The following DDX19A variants were observed in gnomAD, a reference collection of about 807,000 sequenced individuals.
DDX19A encodes ATP-dependent RNA helicase DDX19A.
DDX19A carries 12 observed loss-of-function variants against 60.6 expected under a neutral mutation model. The observed-to-expected ratio is 0.20, with a 90% CI of 0.13 to 0.32. DDX19A has a LOEUF of 0.32. Ranked by LOEUF, DDX19A falls within the 10% of genes least tolerant of loss-of-function variation. The probability of loss-of-function intolerance (pLI) is 1.00; values close to 1 mark genes in which losing one functional copy is unlikely to be tolerated. For missense variants in DDX19A, 337 were observed against 600.6 expected (o/e 0.56, Z 4.59); for synonymous variants, 206 against 218.2 (o/e 0.94, Z 0.49).
intron 5 of DDX19A, 136 bp downstream of exon 5, chr16:70,361,646 G>T: frequency 1.6e-6 from 1 of 629,452 alleles, no homozygotes; most frequent in South Asian, 2.0e-5. Flanking sequence ...GGCAAGTGCA[G>T]AGAGAATCGG....
chr16:70,365,694 C>T (rs1362130931), intron 7 of DDX19A: 1 of 237,006 alleles, frequency 4.2e-6, no homozygotes, highest in Non-Finnish European at 8.3e-6. Flanking sequence ...GCAGGAGGAT[C>T]GCTTGAACCT....
rs1394793040 is a variant in DDX19A at position 70,365,949 on chromosome 16, T to G, written c.605-136T>G. On this transcript the variant is annotated intron_variant, in intron 7 of 11. Transcript: ENST00000302243. Reference sequence around the variant, plus strand: ...ACTTCACAGCAGAAGAGACCAAGACTGAGGGGAACACTCATGTGTGTTTTG... The same window carrying G: ...ACTTCACAGCAGAAGAGACCAAGACGGAGGGGAACACTCATGTGTGTTTTG... The G allele has an allele frequency of 3.0e-6, 4 of 1,345,934 alleles. No individual in the cohort carries two copies. In the African/African-American group the frequency reaches 5.8e-5, roughly 19 times the overall value. The allele number at this position is 1,345,934 out of a possible 1,614,324, so 83.4% of individuals were successfully genotyped here. A position where few individuals can be genotyped will look rare whatever the true frequency, so the allele number is the denominator to read the frequency against.
chr16:70,371,012 A>G (rs1399076416), intron 10 of DDX19A: 2 of 346,378 alleles, frequency 5.8e-6, no homozygotes, highest in Non-Finnish European at 1.1e-5. Context: ...AAAAAAAGAA[A>G]GAAAGAAAAG....
intron 10 of DDX19A, 111 bp downstream of exon 10, chr16:70,370,496 G>A: frequency 6.9e-7 from 1 of 1,442,852 alleles, no homozygotes; most frequent in South Asian, 1.5e-5. Context: ...GAGATGGGTG[G>A]GGTTGGTGAC....
intron 4 of DDX19A, chr16:70,356,906 G>C: frequency 1.3e-5 from 16 of 1,265,566 alleles, no homozygotes; most frequent in Non-Finnish European, 1.5e-5. Flanking sequence ...TTTCTGATTA[G>C]GTAAGCCCTT....
intron 2 of DDX19A, among the ~76,000 whole-genome samples, chr16:70,351,778 T>C (rs1454330897): frequency 6.6e-6 from 1 of 152,094 alleles, no homozygotes; most frequent in Non-Finnish European, 1.5e-5. Flanking sequence ...TCCACCCCGC[T>C]TGGCCTCCCA....
In DDX19A at chr16:70,370,603, G is replaced by A. The variant is rs927636360; in HGVS notation, c.1183+218G>A. The A allele has an allele frequency of 1.6e-5, 11 of 672,944 alleles. No individual in the cohort carries two copies. The Admixed American group carries it at 2.1e-4, about 13-fold the overall frequency. The allele number at this position is 672,944 out of a possible 1,614,324, so 41.7% of individuals were successfully genotyped here. A position where few individuals can be genotyped will look rare whatever the true frequency, so the allele number is the denominator to read the frequency against. Reference sequence around the variant, plus strand: ...GGCTCATGCCTGCAATCCCAAGGCAGGAAAATTGCTTGAACCCTGGAGACA... The same window carrying A: ...GGCTCATGCCTGCAATCCCAAGGCAAGAAAATTGCTTGAACCCTGGAGACA... On this transcript the variant is annotated intron_variant, in intron 10 of 11. Coordinates refer to ENST00000302243, the MANE Select transcript of DDX19A (RefSeq NM_018332.5).
intron 1 of DDX19A, chr16:70,348,070 T>C (rs1963895172): frequency 5.2e-6 from 2 of 384,456 alleles, no homozygotes; most frequent in South Asian, 3.6e-5. Flanking sequence ...GAACAGAATA[T>C]GTTAGAAGTG....
Position 70,353,975 on chromosome 16 carries a change from C to G in DDX19A, c.107-1510C>G, listed in dbSNP as rs549813733. Among the ~76,000 whole-genome samples the G allele has an allele frequency of 7.9e-5, 12 of 151,280 alleles. No individual in the cohort carries two copies. The East Asian group carries it at 1.6e-3, about 20-fold the overall frequency. Reference sequence around the variant, plus strand: ...GTGCAGTGGCTCAAACTCCTGGGCTCAAGCTGTTCTCCTGCCTCAGCCTCC... The same window carrying G: ...GTGCAGTGGCTCAAACTCCTGGGCTGAAGCTGTTCTCCTGCCTCAGCCTCC... On this transcript the variant is annotated intron_variant, in intron 2 of 11. Coordinates refer to ENST00000302243, the MANE Select transcript of DDX19A (RefSeq NM_018332.5).
intron 5 of DDX19A, 96 bp from the exon 6 acceptor site, chr16:70,364,447 C>T (rs557457822): frequency 8.5e-6 from 8 of 940,928 alleles, no homozygotes; most frequent in Admixed American, 5.9e-5. Flanking sequence ...TAGAGAAGCA[C>T]GAAGGGGGAA....
intron 10 of DDX19A, 183 bp from the exon 11 acceptor site, chr16:70,371,189 C>A: frequency 1.9e-6 from 2 of 1,058,598 alleles, no homozygotes; most frequent in Non-Finnish European, 2.7e-6. Flanking sequence ...TGCCAAAGTT[C>A]TCTTCTTTTC....
intron 7 of DDX19A, 120 bp downstream of exon 7, chr16:70,365,251 G>T: frequency 1.6e-6 from 1 of 628,030 alleles, no homozygotes; most frequent in South Asian, 2.0e-5. Context: ...GCCTAACTGT[G>T]TTGCTCTATT....
chr16:70,366,291 C>T, intron 8 of DDX19A, 29 bp downstream of exon 8: 1 of 1,613,472 alleles, frequency 6.2e-7, no homozygotes. Flanking sequence ...GGGGACTCCT[C>T]AGACTCCCCA....
Position 70,355,613 on chromosome 16 carries a change from C to T in DDX19A, c.157+78C>T, listed in dbSNP as rs1033568125. On this transcript the variant is annotated intron_variant, in intron 3 of 11. Transcript: ENST00000302243. ...TTCCTGGAGCCAGGGGCACTCCAAGCTACAAGATCCAGGAGATGAGAGGAA... is the reference window on the plus strand; with the variant it reads ...TTCCTGGAGCCAGGGGCACTCCAAGTTACAAGATCCAGGAGATGAGAGGAA... 3 of 1,127,658 alleles carry T rather than the reference C, an allele frequency of 2.7e-6. No individual in the cohort carries two copies. The East Asian group carries it at 7.0e-5, about 26-fold the overall frequency. 69.9% of individuals were successfully genotyped at this position (1,127,658 alleles called of 1,614,324 possible).
rs1045633259 is a variant in DDX19A at position 70,361,244 on chromosome 16, C to T, written c.294-174C>T. 5.9e-5 allele frequency among the ~76,000 whole-genome samples: 9 copies of T among 152,168 alleles called. No homozygotes were observed. In the South Asian group the frequency reaches 1.0e-3, roughly 18 times the overall value. On this transcript the variant is annotated intron_variant, in intron 4 of 11. Coordinates refer to ENST00000302243, the MANE Select transcript of DDX19A (RefSeq NM_018332.5). ...CAGATTAAGATTCCTTAGGGAAGGG[C>T]GGTAGCTTGGTTTGATTTGGTTTGG...
intron 6 of DDX19A, 147 bp downstream of exon 6, chr16:70,364,792 G>GTGTA: frequency 1.4e-6 from 1 of 694,486 alleles, no homozygotes; most frequent in Non-Finnish European, 2.5e-6. Flanking sequence ...CCCTGACCTG[G>GTGTA]GAGAATGTGC....
At chr16:70,370,473 G>T (rs993551696) in intron 10 of DDX19A, 88 bp downstream of exon 10, 5 of 1,533,120 alleles carry the variant, frequency 3.3e-6, no homozygotes, top group Non-Finnish European at 4.4e-6. Flanking sequence ...CAGGGAAGTC[G>T]GATGGTCTCA....
chr16:70,365,157 C>T, intron 7 of DDX19A, 26 bp downstream of exon 7: 1 of 1,504,474 alleles, frequency 6.6e-7, no homozygotes, highest in African/African-American at 1.4e-5. Context: ...GACAACTGAA[C>T]AGTGAGCAGG....
chr16:70,356,595 T>A (rs544486653), intron 4 of DDX19A, among the ~76,000 whole-genome samples: 2 of 151,954 alleles, frequency 1.3e-5, no homozygotes, highest in African/African-American at 2.4e-5. Flanking sequence ...TGACCTCAGG[T>A]GATCTGCCTG....
Sources: gnomAD v4.1 joint callset for allele counts (sites outside exome capture counted in the v4.1 genomes callset) on GRCh38, gnomAD v4.1.1 for gene constraint, MANE v1.5 for transcripts, NCBI Gene and HGNC (gene_info 2026-07-23, HGNC 2026-07-21) for gene names.